The following MAP4 variants were observed in gnomAD, a reference collection of about 807,000 sequenced individuals.
MAP4 encodes the protein microtubule-associated protein 4.
Under a neutral mutation model 170.2 loss-of-function variants are expected in MAP4, and 76 were observed. That is an observed-to-expected ratio of 0.45 (90% CI 0.37 to 0.54). MAP4 has a LOEUF of 0.54. Among genes scored for constraint, MAP4 ranks in the 20% least tolerant of loss-of-function variants. MAP4 has a pLI of 0.00. For synonymous variants in MAP4, 909 were observed against 994.5 expected, an observed-to-expected ratio of 0.91 and a Z score of 1.62; for missense variants, 2,506 against 2,748.0, an observed-to-expected ratio of 0.91 and a Z score of 1.97.
intron 10 of MAP4, among the ~76,000 whole-genome samples, chr3:47,893,817 GT>G (rs943883045): frequency 2.0e-5 from 3 of 150,100 alleles, no homozygotes; most frequent in Non-Finnish European, 3.0e-5. Flanking sequence ...TTTGATGACA[GT>G]TTTTAAACAA....
At chr3:47,943,572 C>A (rs1048315961) in intron 3 of MAP4, among the ~76,000 whole-genome samples, 1 of 149,554 alleles carries the variant, frequency 6.7e-6, no homozygotes, top group African/African-American at 2.4e-5. Flanking sequence ...TCCCGTACTG[C>A]ATTCCAGCCT....
chr3:48,054,808 CAA>C (rs1044719447), intron 1 of MAP4, among the ~76,000 whole-genome samples: 6 of 128,328 alleles, frequency 4.7e-5, no homozygotes, highest in Non-Finnish European at 3.4e-5. Context: ...ACTCTGTCTC[CAA>C]AAAAAAAAAA....
intron 1 of MAP4, among the ~76,000 whole-genome samples, chr3:48,026,307 G>C (rs1315053734): frequency 6.6e-6 from 1 of 152,158 alleles, no homozygotes; most frequent in African/African-American, 2.4e-5. Flanking sequence ...TCCCACAAGA[G>C]ACTACATCAT....
intron 3 of MAP4, among the ~76,000 whole-genome samples, chr3:47,967,542 C>T (rs1385872828): frequency 6.6e-6 from 1 of 152,124 alleles, no homozygotes; most frequent in East Asian, 1.9e-4. Flanking sequence ...ATCTCGGCTA[C>T]TCGGCAGGGT....
At chr3:47,968,241 C>T (rs930805424) in intron 3 of MAP4, among the ~76,000 whole-genome samples, 6 of 152,178 alleles carry the variant, frequency 3.9e-5, no homozygotes, top group African/African-American at 1.4e-4. Context: ...AAAGAGAAGA[C>T]CTATATAACA....
chr3:48,026,177 G>A (rs2100113036), intron 1 of MAP4, among the ~76,000 whole-genome samples: 1 of 152,082 alleles, frequency 6.6e-6, no homozygotes, highest in Non-Finnish European at 1.5e-5. Flanking sequence ...CAATTACCAT[G>A]TAAACATAAA....
intron 1 of MAP4, among the ~76,000 whole-genome samples, chr3:48,079,682 G>A (rs2077996050): frequency 6.6e-6 from 1 of 151,896 alleles, no homozygotes; most frequent in Non-Finnish European, 1.5e-5. Flanking sequence ...CGGGTGCGGT[G>A]GCTCACACCT....
At position 48,086,361 on chromosome 3, in the gene MAP4, G is replaced by A. The variant is rs917623401; in HGVS notation, c.-20+2412C>T. 2.2e-4 allele frequency among the ~76,000 whole-genome samples: 33 copies of A among 152,146 alleles called. 1 individual carries two copies. Among genetic ancestry groups the A allele is most frequent in the African/African-American group, 7.5e-4 (31 of 41,436 alleles). On this transcript the variant is annotated intron_variant, in intron 1 of 18. Coordinates refer to the MAP4 transcript ENST00000360240. The stretch of plus-strand genomic sequence containing the variant: ...GAATAAAATAAAAATAAATGGCCGG[G>A]CATGGTGGCTTGCACCTGTAATCCC...
At chr3:47,890,197 C>T (rs1654602942) in intron 10 of MAP4, among the ~76,000 whole-genome samples, 1 of 151,862 alleles carries the variant, frequency 6.6e-6, no homozygotes, top group African/African-American at 2.4e-5. Flanking sequence ...CTTTTTTAGA[C>T]CACCACAATA....
Position 48,087,744 on chromosome 3 carries a change from C to T in MAP4, c.-20+1029G>A, listed in dbSNP as rs1410151180. On this transcript the variant is annotated intron_variant, in intron 1 of 18. Transcript: ENST00000360240. ...ACACGCACGCGCACACACACGCACGCGCACACACACACACACACACACACA... is the reference window on the plus strand; with the variant it reads ...ACACGCACGCGCACACACACGCACGTGCACACACACACACACACACACACA... 3.3e-4 allele frequency among the ~76,000 whole-genome samples: 9 copies of T among 27,356 alleles called. No homozygotes were observed. In the South Asian group the frequency reaches 0.014, roughly 41 times the overall value. The allele number at this position is 27,356 out of a possible 152,430, so 17.9% of individuals were successfully genotyped here.
chr3:48,063,333 C>T (rs555313410), intron 1 of MAP4, among the ~76,000 whole-genome samples: 13 of 151,132 alleles, frequency 8.6e-5, no homozygotes, highest in Admixed American at 7.3e-4. Context: ...CTACTCAGGA[C>T]GCTAAGCCAA....
intron 6 of MAP4, 38 bp downstream of exon 6, chr3:47,918,681 C>A (rs374755684): frequency 6.5e-7 from 1 of 1,535,250 alleles, no homozygotes; most frequent in Non-Finnish European, 9.0e-7. Flanking sequence ...ACCAATACTG[C>A]AACCATTAAC....
At chr3:47,947,239 T>C (rs1163859893) in intron 3 of MAP4, among the ~76,000 whole-genome samples, 1 of 152,196 alleles carries the variant, frequency 6.6e-6, no homozygotes, top group African/African-American at 2.4e-5. Flanking sequence ...TCTTCACACT[T>C]GAATAAGAAG....
chr3:47,955,400 G>A (rs992251155), intron 3 of MAP4, among the ~76,000 whole-genome samples: 8 of 149,804 alleles, frequency 5.3e-5, no homozygotes, highest in Non-Finnish European at 4.4e-5. Flanking sequence ...GATCTTGATC[G>A]CGTGACATTC....
At chr3:47,887,016 C>A (rs1448386303) in intron 10 of MAP4, among the ~76,000 whole-genome samples, 1 of 152,256 alleles carries the variant, frequency 6.6e-6, no homozygotes, top group Non-Finnish European at 1.5e-5. Context: ...AGTTTCAGAA[C>A]ATGGTAGTGA....
chr3:47,991,820 C>T lies in MAP4; in HGVS notation c.223+6818G>A, dbSNP rs1470648574. Among the ~76,000 whole-genome samples, 3 of 151,998 alleles carry T rather than the reference C, an allele frequency of 2.0e-5. No individual in the cohort carries two copies. The East Asian group carries it at 5.8e-4, about 29-fold the overall frequency. On this transcript the variant is annotated intron_variant, in intron 2 of 20. Coordinates refer to ENST00000683076, the MANE Select transcript of MAP4 (RefSeq NM_001385682.1). ...AGTAGCTGGGATTACAGGTGCCCAC[C>T]ACCACGCCCAGCTAATTTTTTTGTG...
At chr3:47,923,742 G>A (rs1351989134) in intron 4 of MAP4, among the ~76,000 whole-genome samples, 1 of 152,132 alleles carries the variant, frequency 6.6e-6, no homozygotes, top group Non-Finnish European at 1.5e-5. Context: ...CTTGAGCCTG[G>A]GGAGGTTGAG....
chr3:47,902,718 A>AGGGCAAGT (rs1553775454), intron 10 of MAP4, among the ~76,000 whole-genome samples: 7 of 146,692 alleles, frequency 4.8e-5, no homozygotes, highest in African/African-American at 1.7e-4. Context: ...GTTGAATCAG[A>AGGGCAAGT]GGGCAAGTGG....
At chr3:47,863,885 A>C (rs979453931) in intron 17 of MAP4, among the ~76,000 whole-genome samples, 3 of 143,610 alleles carry the variant, frequency 2.1e-5, no homozygotes, top group African/African-American at 5.5e-5. Flanking sequence ...TCCCTGTGGT[A>C]ACTGCGTTAT....
Sources: gnomAD v4.1 joint callset for allele counts (sites outside exome capture counted in the v4.1 genomes callset) on GRCh38, gnomAD v4.1.1 for gene constraint, MANE v1.5 for transcripts, NCBI Gene and HGNC (gene_info 2026-07-23, HGNC 2026-07-21) for gene names.